MCC: variants seen among roughly 807,000 people sequenced by gnomAD.
The protein encoded by MCC is colorectal mutant cancer protein.
A neutral mutation model predicts 116.2 loss-of-function variants in MCC; 90 were observed. That is an observed-to-expected ratio of 0.77 (90% confidence interval 0.65 to 0.92). The LOEUF (loss-of-function observed/expected upper bound fraction) is 0.92. Ranked by LOEUF, MCC falls within the 40% of genes least tolerant of loss-of-function variation. The pLI is 0.00. For missense variants in MCC, 1,516 were observed against 1,312.2 expected, an observed-to-expected ratio of 1.16 and a Z score of -2.40; for synonymous variants, 578 against 510.5, an observed-to-expected ratio of 1.13 and a Z score of -1.78.
At chr5:113,145,196 A>G (rs1235407468) in intron 4 of MCC, among the ~76,000 whole-genome samples, 20 of 152,186 alleles carry the variant, frequency 1.3e-4, no homozygotes, top group Admixed American at 1.2e-3. Flanking sequence ...TCTGTTCCCA[A>G]CCTCAGAGTG....
intron 2 of MCC, among the ~76,000 whole-genome samples, chr5:113,375,584 G>C (rs910949793): frequency 6.6e-6 from 1 of 152,180 alleles, no homozygotes; most frequent in Non-Finnish European, 1.5e-5. Flanking sequence ...TCACTGATGT[G>C]ACTATAGTCA....
intron 12 of MCC, among the ~76,000 whole-genome samples, chr5:113,070,724 A>T (rs1210069061): frequency 6.6e-6 from 1 of 152,244 alleles, no homozygotes; most frequent in Non-Finnish European, 1.5e-5. Flanking sequence ...GACTATTAAA[A>T]GCAACATTTT....
At chr5:113,312,380 T>C (rs967769184) in intron 3 of MCC, among the ~76,000 whole-genome samples, 1 of 151,948 alleles carries the variant, frequency 6.6e-6, no homozygotes, top group African/African-American at 2.4e-5. Context: ...GGGAGTGAGG[T>C]TAAGGAACAT....
chr5:113,310,860 CA>C (rs746387536), intron 3 of MCC, among the ~76,000 whole-genome samples: 14 of 152,200 alleles, frequency 9.2e-5, no homozygotes, highest in Non-Finnish European at 1.9e-4. Flanking sequence ...GAGACAACTG[CA>C]TTAAATTAAT....
At chr5:113,085,854 A>C (rs1755168893) in intron 8 of MCC, among the ~76,000 whole-genome samples, 1 of 152,040 alleles carries the variant, frequency 6.6e-6, no homozygotes, top group Non-Finnish European at 1.5e-5. Flanking sequence ...ACACCTGGCT[A>C]ATTTTTAAAT....
chr5:113,069,096 C>T (rs1288395392), intron 12 of MCC, among the ~76,000 whole-genome samples: 1 of 152,216 alleles, frequency 6.6e-6, no homozygotes, highest in Non-Finnish European at 1.5e-5. Context: ...TCCATTCCTC[C>T]ATTGCAGTAG....
intron 11 of MCC, among the ~76,000 whole-genome samples, chr5:113,071,940 A>G (rs1754070350): frequency 6.6e-6 from 1 of 152,220 alleles, no homozygotes; most frequent in African/African-American, 2.4e-5. Context: ...TAGCAGCTCT[A>G]ACTAGTGGTA....
In MCC at chr5:113,187,595, A is replaced by T. The variant is rs555188450; in HGVS notation, c.628-36173T>A. Among the ~76,000 whole-genome samples the T allele has an allele frequency of 2.6e-5, 4 of 152,176 alleles. No homozygotes were observed. In the South Asian group the frequency reaches 8.3e-4, roughly 32 times the overall value. ...ACTGTGAAACCCCGTCTCTACTAAA[A>T]ATACAAAAAATTAGCCGGGCGTGGT... is the stretch of plus-strand genomic sequence containing the variant. On this transcript the variant is annotated intron_variant, in intron 3 of 18. Transcript: ENST00000408903.
intron 1 of MCC, among the ~76,000 whole-genome samples, chr5:113,392,158 G>T (rs572016719): frequency 3.3e-5 from 5 of 152,020 alleles, no homozygotes; most frequent in Admixed American, 3.3e-4. Context: ...TTGAGGCCAG[G>T]AGTTCAAGGC....
intron 8 of MCC, among the ~76,000 whole-genome samples, chr5:113,087,537 G>A (rs1348355635): frequency 6.6e-6 from 1 of 152,188 alleles, no homozygotes; most frequent in Non-Finnish European, 1.5e-5. Context: ...GAGAGACTGG[G>A]CAAAGAGAGA....
At chr5:113,306,406 C>T (rs1766985856) in intron 3 of MCC, among the ~76,000 whole-genome samples, 1 of 152,188 alleles carries the variant, frequency 6.6e-6, no homozygotes, top group Non-Finnish European at 1.5e-5. Flanking sequence ...AATTTCTCTA[C>T]ATCTTTGCCA....
intron 3 of MCC, among the ~76,000 whole-genome samples, chr5:113,254,038 G>A (rs1764909886): frequency 6.6e-6 from 1 of 152,250 alleles, no homozygotes; most frequent in East Asian, 1.9e-4. Flanking sequence ...CACAGGTGCT[G>A]AGCAGAATAA....
At chr5:113,330,935 C>T (rs1429548782) in intron 3 of MCC, among the ~76,000 whole-genome samples, 2 of 152,192 alleles carry the variant, frequency 1.3e-5, no homozygotes, top group Non-Finnish European at 2.9e-5. Flanking sequence ...CCAACACTTT[C>T]TTCAGGTCCT....
intron 1 of MCC, among the ~76,000 whole-genome samples, chr5:113,449,884 C>G (rs1771336959): frequency 6.6e-6 from 1 of 152,148 alleles, no homozygotes; most frequent in African/African-American, 2.4e-5. Flanking sequence ...AACTCTTTTT[C>G]AAATTTATAG....
intron 7 of MCC, among the ~76,000 whole-genome samples, chr5:113,103,553 G>A (rs1300334227): frequency 1.3e-5 from 2 of 152,244 alleles, no homozygotes. Flanking sequence ...GGTTTACCTT[G>A]TGACACCACA....
intron 6 of MCC, among the ~76,000 whole-genome samples, chr5:113,116,516 C>T (rs767017065): frequency 2.0e-4 from 30 of 152,156 alleles, no homozygotes; most frequent in Non-Finnish European, 3.4e-4. Flanking sequence ...ACTGTTTATG[C>T]TATTAATAGA....
At chr5:113,033,779 C>T (rs966904129) in intron 17 of MCC, among the ~76,000 whole-genome samples, 9 of 152,320 alleles carry the variant, frequency 5.9e-5, no homozygotes, top group Admixed American at 5.9e-4. Flanking sequence ...ACTGTGACAA[C>T]TGAAGTCCCC....
At chr5:113,041,356 C>G (rs1751694854) in intron 17 of MCC, among the ~76,000 whole-genome samples, 1 of 152,182 alleles carries the variant, frequency 6.6e-6, no homozygotes, top group Non-Finnish European at 1.5e-5. Context: ...CCCTGAGCAT[C>G]TTAGAAAGGA....
intron 3 of MCC, among the ~76,000 whole-genome samples, chr5:113,277,663 A>G (rs1008952059): frequency 6.6e-6 from 1 of 152,246 alleles, no homozygotes; most frequent in African/African-American, 2.4e-5. Context: ...ATATATACAT[A>G]AAATGCTAGA....
Sources: allele counts gnomAD v4.1 joint callset (sites outside exome capture counted in the v4.1 genomes callset), GRCh38; gene constraint gnomAD v4.1.1; transcripts MANE v1.5; gene names NCBI Gene and HGNC (gene_info 2026-07-23, HGNC 2026-07-21).